The following NFIL3 variants were observed in gnomAD, a reference collection of about 807,000 sequenced individuals.
The protein encoded by NFIL3 is nuclear factor, interleukin 3 regulated, also known as nuclear factor interleukin-3-regulated protein.
A neutral mutation model predicts 10.0 loss-of-function variants in NFIL3; 5 were observed. The ratio of observed to expected loss-of-function variants is 0.50; its 90% CI spans 0.26 to 1.06. The LOEUF (loss-of-function observed/expected upper bound fraction) is 1.06. Ranked by LOEUF, NFIL3 falls within the 50% of genes least tolerant of loss-of-function variation. NFIL3 has a pLI of 0.13. For missense variants in NFIL3, 436 were observed against 547.6 expected (o/e 0.80, Z 2.03); for synonymous variants, 202 against 206.5 (o/e 0.98, Z 0.19).
rs761530553 is a variant in NFIL3 at position 91,409,816 on chromosome 9, G to C, written c.919C>G (p.His307Asp). 6.2e-7 allele frequency: 1 copy of C among 1,614,144 alleles called. No homozygotes were observed. Among genetic ancestry groups the C allele is most frequent in the East Asian group, 2.2e-5 (1 of 44,878 alleles). The change falls in exon 2 of 2, where the codon CAT (histidine) becomes GAT (aspartate). Residue 307 changes from histidine to aspartate, a missense_variant. Physicochemically the swap from His to Asp is moderately conservative, Grantham distance 81. Around this residue, in one of 3 missense-constraint regions of NFIL3, gnomAD observed 338 missense variants for 399.9 expected, o/e 0.85. Coordinates refer to ENST00000297689, the MANE Select transcript of NFIL3 (RefSeq NM_005384.3). ...GPIHSPVELK[H>D]VHATVVKVPE... The stretch of plus-strand genomic sequence containing the variant: ...ACTTTAACCACAGTTGCATGCACAT[G>C]CTTGAGTTCAACTGGAGAATGGATG...
the NFIL3 span, among the ~76,000 whole-genome samples, chr9:91,461,470 G>A: frequency 1.1e-4 from 16 of 150,560 alleles, no homozygotes; most frequent in African/African-American, 3.5e-4. Flanking sequence ...CACAAACTTC[G>A]TGGCTTAAAA....
At chr9:91,469,696 A>T in the NFIL3 span, among the ~76,000 whole-genome samples, 1 of 152,174 alleles carries the variant, frequency 6.6e-6, no homozygotes, top group Non-Finnish European at 1.5e-5. Flanking sequence ...TTATTTTGAG[A>T]TACATCCCAT....
chr9:91,420,288 T>C (rs1022014964), intron 1 of NFIL3, among the ~76,000 whole-genome samples: 4 of 151,510 alleles, frequency 2.6e-5, no homozygotes, highest in Non-Finnish European at 5.9e-5. Flanking sequence ...CTTACAGACT[T>C]AATTCCAACA....
chr9:91,468,580 G>C, the NFIL3 span, among the ~76,000 whole-genome samples: 12 of 152,186 alleles, frequency 7.9e-5, no homozygotes, highest in African/African-American at 2.9e-4. Flanking sequence ...TGTTGCCATT[G>C]CTCTTGGTGT....
At chr9:91,435,634 A>G in the NFIL3 span, among the ~76,000 whole-genome samples, 1 of 152,194 alleles carries the variant, frequency 6.6e-6, no homozygotes, top group Admixed American at 6.5e-5. Flanking sequence ...GAGTGTAGGA[A>G]GAAAGGTCTG....
chr9:91,465,217 A>G, the NFIL3 span, among the ~76,000 whole-genome samples: 6 of 152,128 alleles, frequency 3.9e-5, no homozygotes, highest in African/African-American at 1.4e-4. Flanking sequence ...TGATATTTCA[A>G]ATACGTATAC....
chr9:91,443,493 C>T, the NFIL3 span, among the ~76,000 whole-genome samples: 1 of 152,360 alleles, frequency 6.6e-6, no homozygotes, highest in South Asian at 2.1e-4. Flanking sequence ...CCTCCTTGGC[C>T]TCCCACTTGT....
chr9:91,413,260 T>A (rs554757258), intron 1 of NFIL3, among the ~76,000 whole-genome samples: 1 of 152,294 alleles, frequency 6.6e-6, no homozygotes, highest in African/African-American at 2.4e-5. Flanking sequence ...ATTTCCTTTT[T>A]TTTTTTTGAT....
the NFIL3 span, among the ~76,000 whole-genome samples, chr9:91,440,242 G>C: frequency 1.3e-5 from 2 of 151,960 alleles, no homozygotes; most frequent in Non-Finnish European, 2.9e-5. Context: ...ACTGTGGTAG[G>C]CTTTACTTTT....
chr9:91,471,552 G>A, the NFIL3 span, among the ~76,000 whole-genome samples: 9 of 145,206 alleles, frequency 6.2e-5, no homozygotes, highest in Non-Finnish European at 4.5e-5. Context: ...TAGGGTACCT[G>A]TGCACAACGA....
rs1272192744 is a variant in NFIL3 at position 91,410,457 on chromosome 9, T to C, written c.278A>G (p.Lys93Arg). 6.2e-7 allele frequency: 1 copy of C among 1,614,238 alleles called. No individual in the cohort carries two copies. Among genetic ancestry groups the C allele is most frequent in the Non-Finnish European group, 8.5e-7 (1 of 1,180,036 alleles). ...NNEAAKRSREKRRLNDLVLEN... is the reference protein window; with the variant it reads ...NNEAAKRSRERRRLNDLVLEN... ...TAAAACCAGGTCATTCAGTCGACGC[T>C]TCTCACGAGATCTTTTGGCAGCTTC... The change falls in exon 2 of 2, where the codon AAG becomes AGG. Residue 93 changes from lysine (K) to arginine (R), a missense_variant. This residue lies in a region of NFIL3 where 22 missense variants were observed against 74.7 expected (regional missense o/e 0.29). Coordinates refer to ENST00000297689, the MANE Select transcript of NFIL3 (RefSeq NM_005384.3). This position sits in a 1 kb window ranked among gnomAD's most constrained non-coding sequence, Gnocchi z 5.7.
intron 1 of NFIL3, among the ~76,000 whole-genome samples, chr9:91,412,581 T>C (rs1409431807): frequency 1.3e-5 from 2 of 152,160 alleles, no homozygotes; most frequent in Non-Finnish European, 2.9e-5. Context: ...TGGTGGCTCA[T>C]GCCTGTAATC....
chr9:91,441,327 CT>C, the NFIL3 span, among the ~76,000 whole-genome samples: 2 of 152,102 alleles, frequency 1.3e-5, no homozygotes, highest in African/African-American at 4.8e-5. Flanking sequence ...TCAGCCACCC[CT>C]GCTCTCTTTT....
At position 91,418,351 on chromosome 9, in the gene NFIL3, C is replaced by T. The variant is rs147491015; in HGVS notation, c.-173+5289G>A. Reference sequence around the variant, plus strand: ...CAACTAATCTGAAATCTTAAAAGGACACCAACAATCACAAAGTAACCCAGT... The same window carrying T: ...CAACTAATCTGAAATCTTAAAAGGATACCAACAATCACAAAGTAACCCAGT... On this transcript the variant is annotated intron_variant, in intron 1 of 1. Coordinates refer to ENST00000297689, the MANE Select transcript of NFIL3 (RefSeq NM_005384.3). Among the ~76,000 whole-genome samples the T allele has an allele frequency of 4.6e-5, 7 of 152,266 alleles. No homozygotes were observed. In the East Asian group the frequency reaches 9.6e-4, roughly 21 times the overall value.
At chr9:91,480,850 A>G in the NFIL3 span, among the ~76,000 whole-genome samples, 1 of 152,248 alleles carries the variant, frequency 6.6e-6, no homozygotes, top group African/African-American at 2.4e-5. Context: ...ATGCATATCC[A>G]TACATAATGC....
chr9:91,444,799 GA>G, the NFIL3 span, among the ~76,000 whole-genome samples: 2 of 152,186 alleles, frequency 1.3e-5, no homozygotes, highest in Non-Finnish European at 2.9e-5. Flanking sequence ...TTGGTGGCAA[GA>G]GCTTTAGAGA....
At chr9:91,418,945 GA>G (rs1275969263) in intron 1 of NFIL3, among the ~76,000 whole-genome samples, 2 of 151,552 alleles carry the variant, frequency 1.3e-5, no homozygotes, top group Non-Finnish European at 2.9e-5. Flanking sequence ...TTTTGAAACT[GA>G]AAAATTCATA....
At chr9:91,446,452 A>G in the NFIL3 span, among the ~76,000 whole-genome samples, 2 of 152,340 alleles carry the variant, frequency 1.3e-5, no homozygotes, top group East Asian at 3.9e-4. Context: ...ACGAACTTCT[A>G]GTTGACCATC....
Position 91,410,837 on chromosome 9 carries a change from C to T in NFIL3, c.-103G>A. ...TGGTTTAAAATCCATCAATATTCTT[C>T]CTTTTGTTCTACCGTCTGGGATAAA... On this transcript the variant is annotated 5_prime_UTR_variant, in exon 2 of 2. Coordinates refer to ENST00000297689, the MANE Select transcript of NFIL3 (RefSeq NM_005384.3). This position sits in a 1 kb window ranked among gnomAD's most constrained non-coding sequence, Gnocchi z 5.7. 8.0e-7 allele frequency: 1 copy of T among 1,246,300 alleles called. No individual in the cohort carries two copies. Among genetic ancestry groups the T allele is most frequent in the Non-Finnish European group, 1.1e-6 (1 of 908,666 alleles). The allele number at this position is 1,246,300 out of a possible 1,614,324, so 77.2% of individuals were successfully genotyped here.
Sources: allele counts gnomAD v4.1 joint callset (sites outside exome capture counted in the v4.1 genomes callset), GRCh38; gene constraint gnomAD v4.1.1; regional missense constraint gnomAD v4.1.1; non-coding constraint Gnocchi (gnomAD v3.1); transcripts MANE v1.5; gene names NCBI Gene and HGNC (gene_info 2026-07-23, HGNC 2026-07-21).